Variants in AGMO observed in about 807,000 individuals in gnomAD.
The protein encoded by AGMO is glyceryl-ether monooxygenase.
In AGMO, 75 loss-of-function variants were observed where a neutral mutation model predicts 60.2. The observed-to-expected ratio is 1.25, with a 90% CI of 1.03 to 1.51. The LOEUF (loss-of-function observed/expected upper bound fraction) is 1.51. Among genes scored for constraint, AGMO ranks in the 40% most tolerant of loss-of-function variants. The pLI is 0.00. For missense variants in AGMO, 763 were observed against 525.5 expected (o/e 1.45, Z -4.42); for synonymous variants, 261 against 177.1 (o/e 1.47, Z -3.76).
chr7:15,118,173 AACACACACACACACAC>A, the AGMO span, among the ~76,000 whole-genome samples: 1 of 144,588 alleles, frequency 6.9e-6, no homozygotes, highest in Non-Finnish European at 1.5e-5. Context: ...ACTAAAGAGA[AACACACACACACACAC>A]ACACACACAC....
rs553867029 is a variant in AGMO, at chr7:15,341,322, T to C, written c.1263+24192A>G. Reference sequence around the variant, plus strand: ...TTCTCCCACCAGATACCTTAAATCATTTCTCTGAAGTTCAAATTTCCACAG... The same window carrying C: ...TTCTCCCACCAGATACCTTAAATCACTTCTCTGAAGTTCAAATTTCCACAG... On this transcript the variant is annotated intron_variant, in intron 12 of 12. Coordinates refer to ENST00000342526, the MANE Select transcript of AGMO (RefSeq NM_001004320.2). Among the ~76,000 whole-genome samples, 3 of 152,296 alleles carry C rather than the reference T, an allele frequency of 2.0e-5. No homozygotes were observed. In the East Asian group the frequency reaches 5.8e-4, roughly 29 times the overall value.
chr7:15,520,486 A>G (rs1356853743), intron 3 of AGMO, among the ~76,000 whole-genome samples: 1 of 152,240 alleles, frequency 6.6e-6, no homozygotes, highest in African/African-American at 2.4e-5. Flanking sequence ...AATGGAAATC[A>G]TAACAAACAG....
rs576559635 is a variant in AGMO at position 15,257,617 on chromosome 7, C to G, written c.1264-56258G>C. Among the ~76,000 whole-genome samples the G allele has an allele frequency of 7.2e-5, 11 of 152,198 alleles. No homozygotes were observed. The South Asian group carries it at 1.5e-3, about 20-fold the overall frequency. On this transcript the variant is annotated intron_variant, in intron 12 of 12. Coordinates refer to ENST00000342526, the MANE Select transcript of AGMO (RefSeq NM_001004320.2). ...TTGCCTTGGGGCAAATAAATTCTCACAAAAAATCCAGTGTAACAAGAATAA... is the reference window on the plus strand; with the variant it reads ...TTGCCTTGGGGCAAATAAATTCTCAGAAAAAATCCAGTGTAACAAGAATAA...
chr7:15,352,932 G>A (rs1398890126), intron 12 of AGMO, among the ~76,000 whole-genome samples: 1 of 151,978 alleles, frequency 6.6e-6, no homozygotes, highest in African/African-American at 2.4e-5. Flanking sequence ...TTTCATTTGG[G>A]GCATATATTT....
intron 12 of AGMO, among the ~76,000 whole-genome samples, chr7:15,357,190 C>CGTGTGTGTGTGTGTGT (rs36124819): frequency 1.9e-4 from 27 of 144,460 alleles, no homozygotes; most frequent in East Asian, 1.2e-3. Flanking sequence ...TATGAATATT[C>CGTGTGTGTGTGTGTGT]GTGTGTGTGT....
intron 3 of AGMO, among the ~76,000 whole-genome samples, chr7:15,445,669 G>T (rs1393198834): frequency 6.6e-6 from 1 of 152,088 alleles, no homozygotes; most frequent in Non-Finnish European, 1.5e-5. Context: ...TTTCTCTTCA[G>T]AAACATCAAA....
intron 8 of AGMO, among the ~76,000 whole-genome samples, chr7:15,389,873 T>A (rs2128484800): frequency 6.6e-6 from 1 of 152,340 alleles, no homozygotes; most frequent in Non-Finnish European, 1.5e-5. Flanking sequence ...CAATAGATGT[T>A]AACAATTTTG....
chr7:15,119,030 G>T, the AGMO span, among the ~76,000 whole-genome samples: 2 of 150,362 alleles, frequency 1.3e-5, no homozygotes, highest in African/African-American at 4.9e-5. Context: ...AACTAGATAT[G>T]AGTGGAAAAT....
chr7:15,554,729 A>T (rs547852173), intron 2 of AGMO, among the ~76,000 whole-genome samples: 7 of 152,164 alleles, frequency 4.6e-5, no homozygotes, highest in Non-Finnish European at 1.0e-4. Flanking sequence ...TTTACAAAAT[A>T]AAATTCAGTT....
chr7:15,191,894 T>C, the AGMO span, among the ~76,000 whole-genome samples: 4 of 151,978 alleles, frequency 2.6e-5, no homozygotes, highest in Admixed American at 1.3e-4. Flanking sequence ...ATGGCTTACA[T>C]AGGTTTTACT....
intron 8 of AGMO, 131 bp downstream of exon 8, chr7:15,390,540 A>G: frequency 1.8e-6 from 1 of 555,006 alleles, no homozygotes; most frequent in Non-Finnish European, 3.1e-6. Flanking sequence ...TTATTTGTAA[A>G]TTTTTTAACA....
At chr7:15,555,098 T>G (rs1320414259) in intron 2 of AGMO, among the ~76,000 whole-genome samples, 1 of 151,900 alleles carries the variant, frequency 6.6e-6, no homozygotes, top group African/African-American at 2.4e-5. Flanking sequence ...ACAACTGTCA[T>G]TATAGCTGAG....
chr7:15,348,734 T>C (rs993358770), intron 12 of AGMO, among the ~76,000 whole-genome samples: 1 of 152,066 alleles, frequency 6.6e-6, no homozygotes, highest in Non-Finnish European at 1.5e-5. Context: ...AATAATGGAA[T>C]AAGCCAGAGC....
chr7:15,123,096 T>C, the AGMO span, among the ~76,000 whole-genome samples: 1 of 152,048 alleles, frequency 6.6e-6, no homozygotes. Flanking sequence ...CCTAGGGACC[T>C]AGACTATTTT....
intron 12 of AGMO, among the ~76,000 whole-genome samples, chr7:15,256,013 A>C (rs1379863392): frequency 6.6e-6 from 1 of 152,236 alleles, no homozygotes. Flanking sequence ...CATCAATTCA[A>C]TGCCGTGGTA....
chr7:15,154,332 T>C, the AGMO span, among the ~76,000 whole-genome samples: 1 of 152,120 alleles, frequency 6.6e-6, no homozygotes, highest in African/African-American at 2.4e-5. Context: ...AGCAAAGAGG[T>C]GCAAGATTTC....
Position 15,454,130 on chromosome 7 carries a change from T to C in AGMO, c.410-23022A>G, listed in dbSNP as rs985297533. Among the ~76,000 whole-genome samples, 13 of 151,564 alleles carry C rather than the reference T, an allele frequency of 8.6e-5. 1 individual carries two copies. The highest frequency in any genetic ancestry group is 7.2e-4 in the Admixed American group (11 of 15,176). On this transcript the variant is annotated intron_variant, in intron 3 of 12. Coordinates refer to ENST00000342526, the MANE Select transcript of AGMO (RefSeq NM_001004320.2). ...CCACATACTAGGTATACATAAATAT[T>C]ATTTTTCTCTAGAAAAGTAAATATA...
chr7:15,473,087 A>G (rs1201908554), intron 3 of AGMO, among the ~76,000 whole-genome samples: 2 of 151,998 alleles, frequency 1.3e-5, no homozygotes, highest in Non-Finnish European at 2.9e-5. Flanking sequence ...TCCCAGAGAA[A>G]TACAAACCAC....
intron 12 of AGMO, among the ~76,000 whole-genome samples, chr7:15,309,494 T>C (rs1317712945): frequency 1.3e-5 from 2 of 152,174 alleles, no homozygotes; most frequent in Non-Finnish European, 2.9e-5. Context: ...CTTTTCTCCA[T>C]TTCCCCTAAG....
Sources: allele counts gnomAD v4.1 joint callset (sites outside exome capture counted in the v4.1 genomes callset), GRCh38; gene constraint gnomAD v4.1.1; transcripts MANE v1.5; gene names NCBI Gene and HGNC (gene_info 2026-07-23, HGNC 2026-07-21).